CAMTA1: variants seen among roughly 807,000 people sequenced by gnomAD.
CAMTA1 encodes calmodulin-binding transcription activator 1.
Under a neutral mutation model 170.9 loss-of-function variants are expected in CAMTA1, and 27 were observed. The ratio of observed to expected loss-of-function variants is 0.16; its 90% confidence interval spans 0.12 to 0.22. The LOEUF is 0.22. CAMTA1 is among the 10% of genes least tolerant of loss of function. The probability of loss-of-function intolerance (pLI) is 1.00; values close to 1 mark genes in which losing one functional copy is unlikely to be tolerated. For missense variants in CAMTA1, 1,619 were observed against 2,217.2 expected (o/e 0.73, Z 5.42); for synonymous variants, 833 against 891.5 (o/e 0.93, Z 1.17).
intron 6 of CAMTA1, among the ~76,000 whole-genome samples, chr1:7,616,611 A>G (rs1412300645): frequency 2.0e-5 from 3 of 152,170 alleles, no homozygotes; most frequent in Admixed American, 2.0e-4. Flanking sequence ...CCCCAGGGAC[A>G]CATTCCTGCT....
chr1:7,701,729 T>C (rs2096442377), intron 11 of CAMTA1, among the ~76,000 whole-genome samples: 1 of 152,150 alleles, frequency 6.6e-6, no homozygotes, highest in African/African-American at 2.4e-5. Context: ...CTGTATCTGC[T>C]TTAAAGGACA....
At chr1:6,914,642 C>A (rs572071134) in intron 3 of CAMTA1, among the ~76,000 whole-genome samples, 1 of 152,194 alleles carries the variant, frequency 6.6e-6, no homozygotes, top group African/African-American at 2.4e-5. Flanking sequence ...TATTCCCAGG[C>A]AGGCCCCTAG....
At chr1:7,176,598 C>T (rs777013437) in intron 4 of CAMTA1, among the ~76,000 whole-genome samples, 11 of 152,228 alleles carry the variant, frequency 7.2e-5, no homozygotes, top group Non-Finnish European at 1.6e-4. Context: ...CTCGTTCGCA[C>T]TTTTTCCTGG....
chr1:6,801,240 C>T (rs1285819428), intron 1 of CAMTA1, among the ~76,000 whole-genome samples: 1 of 152,086 alleles, frequency 6.6e-6, no homozygotes, highest in African/African-American at 2.4e-5. Flanking sequence ...CCCACTGCAG[C>T]TTGTATGAGT....
chr1:6,848,298 AC>A (rs1299619051), intron 3 of CAMTA1, among the ~76,000 whole-genome samples: 1 of 152,194 alleles, frequency 6.6e-6, no homozygotes, highest in African/African-American at 2.4e-5. Flanking sequence ...ACAGGGGTGC[AC>A]CACCATATCT....
At chr1:7,636,739 C>T (rs1419170175) in intron 6 of CAMTA1, among the ~76,000 whole-genome samples, 1 of 151,336 alleles carries the variant, frequency 6.6e-6, no homozygotes, top group African/African-American at 2.4e-5. Context: ...CTTCCCTGCC[C>T]TTTGTGGACC....
rs78619214 is a variant in CAMTA1, at chr1:7,464,386, G to T, written c.439-3444G>T. On this transcript the variant is annotated intron_variant, in intron 5 of 22. Transcript: ENST00000303635. ...AGTTTGTACAACACAAATCACTACA[G>T]ACAAACTTGATTGCTTTTTTGATTA... is the stretch of plus-strand genomic sequence containing the variant. 2.0e-5 allele frequency among the ~76,000 whole-genome samples: 3 copies of T among 152,340 alleles called. No homozygotes were observed. The East Asian group carries it at 5.8e-4, about 29-fold the overall frequency.
chr1:7,093,944 T>G lies in CAMTA1; in HGVS notation c.302+2573T>G, dbSNP rs529435267. 7.9e-5 allele frequency among the ~76,000 whole-genome samples: 12 copies of G among 152,316 alleles called. 1 individual carries two copies. The South Asian group carries it at 2.5e-3, about 32-fold the overall frequency. ...GCTGGGTCACGATGAGGATTGAATG[T>G]GGTCACGTTTCTGATTCTGCTTCCC... On this transcript the variant is annotated intron_variant, in intron 4 of 22. Transcript: ENST00000303635. This position sits in a 1 kb window ranked among gnomAD's most constrained non-coding sequence, Gnocchi z 4.6.
chr1:6,850,172 T>C (rs1659860557), intron 3 of CAMTA1, among the ~76,000 whole-genome samples: 1 of 152,114 alleles, frequency 6.6e-6, no homozygotes, highest in Admixed American at 6.5e-5. Flanking sequence ...TACTTTGTGT[T>C]CAAGTTAGGA....
At chr1:7,424,102 C>G (rs80216063) in intron 5 of CAMTA1, among the ~76,000 whole-genome samples, 1 of 152,106 alleles carries the variant, frequency 6.6e-6, no homozygotes, top group Non-Finnish European at 1.5e-5. Context: ...TTCCTCTCAC[C>G]ACCGTCCCCA....
intron 5 of CAMTA1, among the ~76,000 whole-genome samples, chr1:7,421,824 A>ACCTGTGTCTCCT (rs6143106): frequency 3.3e-5 from 5 of 152,072 alleles, no homozygotes; most frequent in African/African-American, 1.2e-4. Flanking sequence ...GACAGAGGGG[A>ACCTGTGTCTCCT]CCATACCCTC....
At chr1:7,714,611 T>C (rs1235165017) in intron 11 of CAMTA1, among the ~76,000 whole-genome samples, 4 of 152,034 alleles carry the variant, frequency 2.6e-5, no homozygotes, top group Admixed American at 2.6e-4. Flanking sequence ...AGCCTCTGTC[T>C]CCTGGGTTCA....
intron 3 of CAMTA1, among the ~76,000 whole-genome samples, chr1:6,876,222 C>T (rs969886989): frequency 6.6e-6 from 1 of 151,862 alleles, no homozygotes; most frequent in Non-Finnish European, 1.5e-5. Context: ...GTAGTTCCCT[C>T]TTTCCTTGTT....
intron 6 of CAMTA1, among the ~76,000 whole-genome samples, chr1:7,599,385 C>T (rs1307763169): frequency 6.6e-6 from 1 of 152,160 alleles, no homozygotes; most frequent in Non-Finnish European, 1.5e-5. Context: ...ATGCCTCCAG[C>T]TATGTTCTTT....
Position 7,225,389 on chromosome 1 carries a change from A to T in CAMTA1, c.303-24102A>T, listed in dbSNP as rs531804312. 1.5e-4 allele frequency among the ~76,000 whole-genome samples: 23 copies of T among 152,176 alleles called. 1 individual carries two copies. In the South Asian group the frequency reaches 4.4e-3, roughly 29 times the overall value. ...GTGAGCCACCGTGCCCGGCCAGCAG[A>T]TCTCTTTTATTACCCAGAAAGACCT... On this transcript the variant is annotated intron_variant, in intron 4 of 22. Transcript: ENST00000303635.
rs1409547599 is a variant in CAMTA1 at position 7,664,207 on chromosome 1, G to C, written c.1660G>C (p.Ala554Pro). 7.4e-6 allele frequency: 12 copies of C among 1,612,544 alleles called. No individual in the cohort carries two copies. The highest frequency in any genetic ancestry group is 9.3e-6 in the Non-Finnish European group (11 of 1,180,036). Residue 554 changes from alanine to proline, a missense_variant, in exon 9 of 23, where the codon GCT (alanine) becomes CCT (proline). By Grantham distance (27) the Ala-to-Pro change is conservative. Transcript: ENST00000303635. The part of the protein sequence containing the change: ...AKEAYSSSAA[A>P]VAASSLTLTA... Reference sequence around the variant, plus strand: ...AGAAGCGTACTCCTCCTCCGCGGCGGCTGTGGCAGCCAGCTCCCTCACCCT... The same window carrying C: ...AGAAGCGTACTCCTCCTCCGCGGCGCCTGTGGCAGCCAGCTCCCTCACCCT...
rs145242186 is a variant in CAMTA1 at position 7,329,226 on chromosome 1, A to G, written c.438+79600A>G. On this transcript the variant is annotated intron_variant, in intron 5 of 22. Transcript: ENST00000303635. Reference sequence around the variant, plus strand: ...AAGCTCTAAATTAATAACTTAATGTAACTTCTAATTATGTTGGAGTTACAA... The same window carrying G: ...AAGCTCTAAATTAATAACTTAATGTGACTTCTAATTATGTTGGAGTTACAA... 4.9e-3 allele frequency among the ~76,000 whole-genome samples: 746 copies of G among 152,308 alleles called. 5 individuals are homozygous for G. Among genetic ancestry groups the G allele is most frequent in the African/African-American group, 0.017 (723 of 41,568 alleles).
intron 6 of CAMTA1, among the ~76,000 whole-genome samples, chr1:7,587,179 G>T (rs1180369700): frequency 6.6e-6 from 1 of 152,054 alleles, no homozygotes; most frequent in Non-Finnish European, 1.5e-5. Context: ...GTGGCAGGAG[G>T]TGGGGGGCCC....
intron 9 of CAMTA1, among the ~76,000 whole-genome samples, chr1:7,666,390 T>C (rs2096002059): frequency 6.6e-6 from 1 of 151,994 alleles, no homozygotes; most frequent in South Asian, 2.1e-4. Flanking sequence ...ACGTGCACCC[T>C]CCCCCAGCCC....
Sources: gnomAD v4.1 joint callset for allele counts (sites outside exome capture counted in the v4.1 genomes callset) on GRCh38, gnomAD v4.1.1 for gene constraint, Gnocchi (gnomAD v3.1) non-coding constraint, MANE v1.5 for transcripts, NCBI Gene and HGNC (gene_info 2026-07-23, HGNC 2026-07-21) for gene names.